Variants in BTBD9 observed in about 807,000 individuals in gnomAD.
BTBD9 encodes the protein BTB/POZ domain-containing protein 9.
A neutral mutation model predicts 64.3 loss-of-function variants in BTBD9; 49 were observed. The ratio of observed to expected loss-of-function variants is 0.76; its 90% CI spans 0.61 to 0.97. The LOEUF is 0.97. Ranked by LOEUF, BTBD9 falls within the 50% of genes least tolerant of loss-of-function variation. The probability of loss-of-function intolerance (pLI) is 0.00; values close to 1 mark genes in which losing one functional copy is unlikely to be tolerated. For synonymous variants in BTBD9, 260 were observed against 274.7 expected (o/e 0.95, Z 0.53); for missense variants, 598 against 762.1 (o/e 0.78, Z 2.53).
At chr6:38,404,616 C>T (rs141706752) in intron 6 of BTBD9, among the ~76,000 whole-genome samples, 3 of 152,322 alleles carry the variant, frequency 2.0e-5, no homozygotes, top group African/African-American at 7.2e-5. Context: ...TGCATGGGAT[C>T]TCATTCTGCC....
intron 7 of BTBD9, among the ~76,000 whole-genome samples, chr6:38,315,127 C>T (rs769459855): frequency 6.6e-6 from 1 of 152,200 alleles, no homozygotes; most frequent in Non-Finnish European, 1.5e-5. Flanking sequence ...GGATTACAGG[C>T]GTGAGCCACC....
At chr6:38,452,070 T>C (rs1375225647) in intron 6 of BTBD9, among the ~76,000 whole-genome samples, 2 of 152,108 alleles carry the variant, frequency 1.3e-5, no homozygotes, top group African/African-American at 4.8e-5. Context: ...CTGTTCCATT[T>C]CTCCATTTTA....
chr6:38,479,996 G>A (rs938638814), intron 6 of BTBD9, among the ~76,000 whole-genome samples: 1 of 152,112 alleles, frequency 6.6e-6, no homozygotes, highest in African/African-American at 2.4e-5. Context: ...CCCAAGGTGT[G>A]GAGATTACAG....
At position 38,637,044 on chromosome 6, in the gene BTBD9, A is replaced by G. The variant is rs375185386; in HGVS notation, c.-28+2756T>C. ...CTGGAATGCTCTCTTCCACCTCTACATGTGGCGAAATTTTATTTAACCCTC... is the reference window on the plus strand; with the variant it reads ...CTGGAATGCTCTCTTCCACCTCTACGTGTGGCGAAATTTTATTTAACCCTC... On this transcript the variant is annotated intron_variant, in intron 1 of 10. Coordinates refer to ENST00000481247, the MANE Select transcript of BTBD9 (RefSeq NM_001099272.2). Among the ~76,000 whole-genome samples the G allele has an allele frequency of 2.0e-5, 3 of 152,228 alleles. No homozygotes were observed. In the East Asian group the frequency reaches 5.8e-4, roughly 29 times the overall value.
chr6:38,256,671 CAG>C (rs1433258805), intron 8 of BTBD9, among the ~76,000 whole-genome samples, 155 bp from the exon 9 acceptor site: 1 of 152,174 alleles, frequency 6.6e-6, no homozygotes, highest in Non-Finnish European at 1.5e-5. Context: ...AGAGAACAGG[CAG>C]AGTCAGTCTG....
chr6:38,411,191 C>A (rs754225619), intron 6 of BTBD9, among the ~76,000 whole-genome samples: 20 of 152,138 alleles, frequency 1.3e-4, no homozygotes, highest in Admixed American at 2.0e-4. Flanking sequence ...AATACCATAA[C>A]CCATTCCCCA....
chr6:38,180,651 C>T (rs1761513583), intron 10 of BTBD9, among the ~76,000 whole-genome samples: 1 of 152,226 alleles, frequency 6.6e-6, no homozygotes, highest in Admixed American at 6.5e-5. Flanking sequence ...CCAAATGTGG[C>T]TGAGACACAC....
intron 7 of BTBD9, among the ~76,000 whole-genome samples, chr6:38,330,648 C>A (rs1311396998): frequency 6.6e-6 from 1 of 151,994 alleles, no homozygotes; most frequent in Admixed American, 6.6e-5. Flanking sequence ...GCCTAGAAAA[C>A]TTAGAATAAC....
At chr6:38,588,459 A>C in intron 4 of BTBD9, 1 of 825,792 alleles carries the variant, frequency 1.2e-6, no homozygotes, top group Non-Finnish European at 2.0e-6. Flanking sequence ...CCCCTCCTCC[A>C]ACTGGGCCTA....
intron 7 of BTBD9, among the ~76,000 whole-genome samples, chr6:38,302,178 C>A (rs980701556): frequency 1.3e-5 from 2 of 152,088 alleles, no homozygotes; most frequent in Non-Finnish European, 2.9e-5. Context: ...CAGTGCAACA[C>A]TGTTAACCAC....
rs1766646905 is a variant in BTBD9 at position 38,169,247 on chromosome 6, C to G, written c.*5738G>C. On this transcript the variant is annotated 3_prime_UTR_variant, in exon 11 of 11. Transcript: ENST00000481247. The stretch of plus-strand genomic sequence containing the variant: ...GTGGCTAGGACTAGGGCACTGGCCG[C>G]ACCCTCAGGCCCAGGTGGGAAGTGT... The G allele has an allele frequency of 6.6e-6, 1 of 152,508 alleles. No homozygotes were observed. The highest frequency in any genetic ancestry group is 2.1e-4 in the South Asian group (1 of 4,830). 9.4% of individuals were successfully genotyped at this position (152,508 alleles called of 1,614,324 possible).
At chr6:38,493,942 T>C (rs1771817558) in intron 6 of BTBD9, among the ~76,000 whole-genome samples, 2 of 152,362 alleles carry the variant, frequency 1.3e-5, no homozygotes, top group African/African-American at 4.8e-5. Context: ...TTACACAGCA[T>C]TAAACATTTC....
chr6:38,537,439 CA>C (rs370554031), intron 6 of BTBD9, among the ~76,000 whole-genome samples: 2 of 152,192 alleles, frequency 1.3e-5, no homozygotes, highest in African/African-American at 4.8e-5. Context: ...TGTAAATATA[CA>C]CAAATTATCA....
At chr6:38,437,487 G>A (rs1008551316) in intron 6 of BTBD9, among the ~76,000 whole-genome samples, 1 of 152,104 alleles carries the variant, frequency 6.6e-6, no homozygotes, top group Non-Finnish European at 1.5e-5. Context: ...TCACTGAAAA[G>A]AAGACATGTG....
chr6:38,200,508 T>C (rs560258930), intron 9 of BTBD9, among the ~76,000 whole-genome samples: 3 of 152,108 alleles, frequency 2.0e-5, no homozygotes, highest in Middle Eastern at 6.8e-3. Flanking sequence ...TAAACAAAAT[T>C]GATAAACTGC....
intron 6 of BTBD9, among the ~76,000 whole-genome samples, chr6:38,492,287 G>A (rs1431084657): frequency 1.3e-5 from 2 of 152,186 alleles, no homozygotes; most frequent in East Asian, 3.8e-4. Flanking sequence ...CACTGACCAG[G>A]AGCAGGTAAC....
intron 6 of BTBD9, among the ~76,000 whole-genome samples, chr6:38,435,267 T>C (rs1457732617): frequency 6.6e-6 from 1 of 151,466 alleles, no homozygotes; most frequent in Non-Finnish European, 1.5e-5. Flanking sequence ...CAGGCTACTG[T>C]ATCAGAATGA....
intron 1 of BTBD9, among the ~76,000 whole-genome samples, chr6:38,608,211 G>C (rs954868536): frequency 6.6e-6 from 1 of 152,134 alleles, no homozygotes; most frequent in Non-Finnish European, 1.5e-5. Flanking sequence ...ACTCTAAGAA[G>C]TTGCTATCAC....
At chr6:38,494,503 T>G (rs1771857631) in intron 6 of BTBD9, among the ~76,000 whole-genome samples, 1 of 152,232 alleles carries the variant, frequency 6.6e-6, no homozygotes, top group Admixed American at 6.5e-5. Flanking sequence ...AATGAATTCT[T>G]AAGTGTTAAA....
Sources: allele counts gnomAD v4.1 joint callset (sites outside exome capture counted in the v4.1 genomes callset), GRCh38; gene constraint gnomAD v4.1.1; transcripts MANE v1.5; gene names NCBI Gene and HGNC (gene_info 2026-07-23, HGNC 2026-07-21).